SRL: variants seen among roughly 807,000 people sequenced by gnomAD.
The protein encoded by SRL is sarcalumenin.
A neutral mutation model predicts 39.5 loss-of-function variants in SRL; 23 were observed. The ratio of observed to expected loss-of-function variants is 0.58; its 90% CI spans 0.42 to 0.82. SRL has a LOEUF of 0.82. Ranked by LOEUF, SRL falls within the 40% of genes least tolerant of loss-of-function variation. SRL has a pLI of 0.00. For missense variants in SRL, 592 were observed against 607.8 expected (o/e 0.97, Z 0.27); for synonymous variants, 272 against 237.4 (o/e 1.15, Z -1.34).
intron 1 of SRL, among the ~76,000 whole-genome samples, chr16:4,219,078 A>G (rs1381807522): frequency 2.0e-5 from 3 of 152,264 alleles, no homozygotes; most frequent in Non-Finnish European, 4.4e-5. Flanking sequence ...TCAAGGCTCT[A>G]GAATCAGAAA....
At chr16:4,204,710 G>A (rs1019201140) in intron 1 of SRL, 76 bp from the exon 2 acceptor site, 106 of 1,344,436 alleles carry the variant, frequency 7.9e-5, no homozygotes, top group South Asian at 2.6e-4. Context: ...CACAGCAGAC[G>A]AGGGCTGGGC....
At chr16:4,207,617 G>A (rs1254678108) in intron 1 of SRL, 5 of 443,522 alleles carry the variant, frequency 1.1e-5, no homozygotes, top group South Asian at 4.8e-5. Flanking sequence ...GGACTTCCTC[G>A]GGGAGTTCAT....
chr16:4,229,062 G>T (rs975714051), intron 1 of SRL, among the ~76,000 whole-genome samples: 1 of 152,100 alleles, frequency 6.6e-6, no homozygotes, highest in Non-Finnish European at 1.5e-5. Context: ...CAACAGCAAA[G>T]ACACAGAATC....
At chr16:4,203,116 C>G in intron 3 of SRL, 50 bp downstream of exon 3, 1 of 1,546,990 alleles carries the variant, frequency 6.5e-7, no homozygotes, top group Non-Finnish European at 8.9e-7. Flanking sequence ...CGCCGACAGG[C>G]CTGCGCCGTA....
At chr16:4,240,170 G>A (rs917552650) in intron 1 of SRL, among the ~76,000 whole-genome samples, 9 of 152,154 alleles carry the variant, frequency 5.9e-5, no homozygotes, top group East Asian at 3.8e-4. Context: ...AATATCTGCC[G>A]CCACCCAGCC....
At chr16:4,204,299 G>T (rs905079124) in intron 2 of SRL, among the ~76,000 whole-genome samples, 2 of 144,148 alleles carry the variant, frequency 1.4e-5, no homozygotes, top group African/African-American at 5.0e-5. Flanking sequence ...CCTCCTCTGT[G>T]CCCACCTGGA....
At chr16:4,240,516 G>A (rs935425285) in intron 1 of SRL, among the ~76,000 whole-genome samples, 21 of 152,140 alleles carry the variant, frequency 1.4e-4, no homozygotes, top group Non-Finnish European at 1.6e-4. Context: ...GCCGGAGGTT[G>A]GGCCAGGGGC....
chr16:4,223,338 C>T (rs1196919296), intron 1 of SRL, among the ~76,000 whole-genome samples: 1 of 151,570 alleles, frequency 6.6e-6, no homozygotes, highest in African/African-American at 2.4e-5. Context: ...TATTCTCAGG[C>T]CTCCAGAACA....
Position 4,192,426 on chromosome 16 carries a change from G to T in SRL, c.1149C>A (p.Thr383=), listed in dbSNP as rs757823065. The T allele has an allele frequency of 1.2e-5, 20 of 1,614,192 alleles. No individual in the cohort carries two copies. Among genetic ancestry groups the T allele is most frequent in the Non-Finnish European group, 1.5e-5 (18 of 1,180,050 alleles). ...EDPDKFYIFK[T]ILAKTNVSKF... Reference sequence around the variant, plus strand: ...TGCTGACATTGGTCTTTGCCAGGATGGTCTTGAAGATGTAGAATTTATCGG... The same window carrying T: ...TGCTGACATTGGTCTTTGCCAGGATTGTCTTGAAGATGTAGAATTTATCGG... Residue 383 remains threonine, a synonymous_variant, in exon 6 of 6, where the codon ACC becomes ACA. Transcript: ENST00000399609. The surrounding 1 kb of genome is among the most constrained non-coding windows in gnomAD (Gnocchi z 4.0).
rs1407963521 is a variant in SRL at position 4,207,970 on chromosome 16, G to C, written c.62-3336C>G. 8.8e-6 allele frequency: 4 copies of C among 456,658 alleles called. No individual in the cohort carries two copies. In the East Asian group the frequency reaches 2.8e-4, roughly 32 times the overall value. The allele number at this position is 456,658 out of a possible 1,614,324, so 28.3% of individuals were successfully genotyped here. A position where few individuals can be genotyped will look rare whatever the true frequency, so the allele number is the denominator to read the frequency against. On this transcript the variant is annotated intron_variant, in intron 1 of 5. Coordinates refer to ENST00000399609, the MANE Select transcript of SRL (RefSeq NM_001098814.2). ...CTGCCATCTGGGTAGTGAAGGAGCA[G>C]TTTCTTGTCTTGAGGGGCTGTGTCT...
chr16:4,193,953 TTA>T (rs1344714971), intron 5 of SRL, among the ~76,000 whole-genome samples: 1 of 150,366 alleles, frequency 6.7e-6, no homozygotes, highest in Non-Finnish European at 1.5e-5. Context: ...TATAATATTA[TTA>T]CTAATATTAC....
chr16:4,205,848 G>A (rs2052312069), intron 1 of SRL, among the ~76,000 whole-genome samples: 1 of 151,954 alleles, frequency 6.6e-6, no homozygotes. Flanking sequence ...TGAGGTGGGA[G>A]GATCGCTTGA....
Position 4,228,571 on chromosome 16 carries a change from T to TA in SRL, c.61+13435dup, listed in dbSNP as rs565379528. On this transcript the variant is annotated intron_variant, in intron 1 of 5. Coordinates refer to ENST00000399609, the MANE Select transcript of SRL (RefSeq NM_001098814.2). ...TAACACGGTGAAACCCCGTCTCTAC[T>TA]AAAAATACAAAAAATTAGTCAGGCG... is the stretch of plus-strand genomic sequence containing the variant. Among the ~76,000 whole-genome samples, 14 of 151,192 alleles carry TA rather than the reference T, an allele frequency of 9.3e-5. No homozygotes were observed. In the South Asian group the frequency reaches 2.9e-3, roughly 32 times the overall value.
intron 3 of SRL, among the ~76,000 whole-genome samples, 162 bp downstream of exon 3, chr16:4,203,004 G>A (rs1167992856): frequency 1.3e-5 from 2 of 152,202 alleles, no homozygotes; most frequent in Non-Finnish European, 2.9e-5. Context: ...AACTCCCAGG[G>A]GGAGCCCAGA....
chr16:4,195,324 G>T (rs552711462), intron 5 of SRL, among the ~76,000 whole-genome samples: 9 of 152,188 alleles, frequency 5.9e-5, no homozygotes, highest in Admixed American at 3.9e-4. Flanking sequence ...AGCCTCCTGG[G>T]TAGCTAGGAC....
At chr16:4,204,738 C>T (rs920754471) in intron 1 of SRL, 104 bp from the exon 2 acceptor site, 14 of 906,406 alleles carry the variant, frequency 1.5e-5, no homozygotes, top group Admixed American at 1.4e-4. Context: ...AGGGGCTCAA[C>T]AGGGTCTTGC....
chr16:4,201,444 T>C (rs2052228564), intron 3 of SRL, among the ~76,000 whole-genome samples: 1 of 151,114 alleles, frequency 6.6e-6, no homozygotes, highest in South Asian at 2.1e-4. Flanking sequence ...ACCCAGCCAA[T>C]TTTTGGATTT....
rs2052048239 is a variant in SRL, at chr16:4,190,537, C to G, written c.*1616G>C. 1 of 398,772 alleles carries G rather than the reference C, an allele frequency of 2.5e-6. No individual in the cohort carries two copies. The highest frequency in any genetic ancestry group is 2.1e-5 in the African/African-American group (1 of 48,656). 24.7% of individuals were successfully genotyped at this position (398,772 alleles called of 1,614,324 possible). ...TGCTTCTTCCCTGCAGGTCCTGCCCCTCTGCTCCCCACCACCTGCTGTGGA... is the reference window on the plus strand; with the variant it reads ...TGCTTCTTCCCTGCAGGTCCTGCCCGTCTGCTCCCCACCACCTGCTGTGGA... On this transcript the variant is annotated 3_prime_UTR_variant, in exon 6 of 6. Transcript: ENST00000399609.
At chr16:4,228,422 C>A (rs1028980328) in intron 1 of SRL, among the ~76,000 whole-genome samples, 7 of 151,842 alleles carry the variant, frequency 4.6e-5, no homozygotes, top group Admixed American at 4.6e-4. Flanking sequence ...GGCGACAGAG[C>A]GAGACTCCAC....
Sources: allele counts gnomAD v4.1 joint callset (sites outside exome capture counted in the v4.1 genomes callset), GRCh38; gene constraint gnomAD v4.1.1; non-coding constraint Gnocchi (gnomAD v3.1); transcripts MANE v1.5; gene names NCBI Gene and HGNC (gene_info 2026-07-23, HGNC 2026-07-21).